Variants in KCND2 observed in about 807,000 individuals in gnomAD.
KCND2 encodes the protein potassium voltage-gated channel subfamily D member 2, also known as A-type voltage-gated potassium channel KCND2.
A neutral mutation model predicts 54.4 loss-of-function variants in KCND2; 16 were observed. The observed-to-expected ratio is 0.29, with a 90% CI of 0.20 to 0.45. The LOEUF (loss-of-function observed/expected upper bound fraction) is 0.45. Among genes scored for constraint, KCND2 ranks in the 20% least tolerant of loss-of-function variants. KCND2 has a pLI of 1.00. For synonymous variants in KCND2, 317 were observed against 310.7 expected (o/e 1.02, Z -0.21); for missense variants, 486 against 824.2 (o/e 0.59, Z 5.02).
rs955881237 is a variant in KCND2 at position 120,538,736 on chromosome 7, T to G, written c.1116-194167T>G. ...TCTACACAGACTAACCTCGGCCCTATAAAGACCAGCCAAACCCCATGGGCA... is the reference window on the plus strand; with the variant it reads ...TCTACACAGACTAACCTCGGCCCTAGAAAGACCAGCCAAACCCCATGGGCA... On this transcript the variant is annotated intron_variant, in intron 1 of 5. Coordinates refer to ENST00000331113, the MANE Select transcript of KCND2 (RefSeq NM_012281.3). Among the ~76,000 whole-genome samples, 4 of 152,048 alleles carry G rather than the reference T, an allele frequency of 2.6e-5. No homozygotes were observed. The East Asian group carries it at 7.7e-4, about 29-fold the overall frequency.
chr7:120,333,721 T>A lies in KCND2; in HGVS notation c.1115+57974T>A, dbSNP rs145247352. ...CTATTATTTTGATCAAAACAGATAT[T>A]TTAGCTAGCCACTTCCATTCATAGC... On this transcript the variant is annotated intron_variant, in intron 1 of 5. Coordinates refer to ENST00000331113, the MANE Select transcript of KCND2 (RefSeq NM_012281.3). Among the ~76,000 whole-genome samples the A allele has an allele frequency of 4.6e-4, 70 of 152,202 alleles. 1 individual carries two copies. The highest frequency in any genetic ancestry group is 1.6e-3 in the African/African-American group (67 of 41,562).
chr7:120,359,862 T>A (rs1360368365), intron 1 of KCND2, among the ~76,000 whole-genome samples: 1 of 152,096 alleles, frequency 6.6e-6, no homozygotes, highest in African/African-American at 2.4e-5. Flanking sequence ...GAGGGTTTTA[T>A]AAGGCAGTTT....
At position 120,473,166 on chromosome 7, in the gene KCND2, G is replaced by A. The variant is rs189494752; in HGVS notation, c.1115+197419G>A. ...AGGGAGAAAACCATGGTTCTGCGGGGCATGTGAGAGACGAGGGTGGAGCTT... is the reference window on the plus strand; with the variant it reads ...AGGGAGAAAACCATGGTTCTGCGGGACATGTGAGAGACGAGGGTGGAGCTT... On this transcript the variant is annotated intron_variant, in intron 1 of 5. Transcript: ENST00000331113. 1.7e-4 allele frequency among the ~76,000 whole-genome samples: 26 copies of A among 152,328 alleles called. No homozygotes were observed. The East Asian group carries it at 1.9e-3, about 11-fold the overall frequency.
At chr7:120,490,718 G>A (rs1462057810) in intron 1 of KCND2, among the ~76,000 whole-genome samples, 2 of 152,086 alleles carry the variant, frequency 1.3e-5, no homozygotes, top group African/African-American at 4.8e-5. Flanking sequence ...CACTCCCTAG[G>A]AGATTGCAAA....
chr7:120,551,637 T>C (rs1424938383), intron 1 of KCND2, among the ~76,000 whole-genome samples: 1 of 152,208 alleles, frequency 6.6e-6, no homozygotes, highest in Non-Finnish European at 1.5e-5. Flanking sequence ...AATACTGTTG[T>C]AAAAGTCAAA....
At chr7:120,723,443 C>A (rs117609420) in intron 1 of KCND2, among the ~76,000 whole-genome samples, 1 of 152,162 alleles carries the variant, frequency 6.6e-6, no homozygotes, top group Non-Finnish European at 1.5e-5. Context: ...GGTTATTGAA[C>A]AACTCAGCTA....
intron 1 of KCND2, among the ~76,000 whole-genome samples, chr7:120,397,214 G>T (rs1801167745): frequency 6.6e-6 from 1 of 152,026 alleles, no homozygotes; most frequent in Admixed American, 6.6e-5. Context: ...ATCAAGTTCA[G>T]TTTGGTGTCT....
intron 1 of KCND2, among the ~76,000 whole-genome samples, chr7:120,390,585 T>C (rs1801058696): frequency 6.6e-6 from 1 of 152,036 alleles, no homozygotes; most frequent in African/African-American, 2.4e-5. Context: ...TCCTATGCTA[T>C]ATACTTCTCC....
intron 1 of KCND2, among the ~76,000 whole-genome samples, chr7:120,446,149 G>A (rs1337179519): frequency 6.6e-6 from 1 of 151,992 alleles, no homozygotes; most frequent in Non-Finnish European, 1.5e-5. Context: ...TTTTATCTGA[G>A]GAGCAGTCTG....
At chr7:120,642,940 A>G (rs1793396237) in intron 1 of KCND2, among the ~76,000 whole-genome samples, 2 of 152,242 alleles carry the variant, frequency 1.3e-5, no homozygotes, top group East Asian at 1.9e-4. Context: ...AATTTCTGCA[A>G]TAAAGATTTC....
intron 1 of KCND2, among the ~76,000 whole-genome samples, chr7:120,636,003 G>A (rs1162407104): frequency 6.6e-6 from 1 of 152,098 alleles, no homozygotes; most frequent in Non-Finnish European, 1.5e-5. Context: ...CTAAAGCTAA[G>A]TGCTGAAACG....
intron 1 of KCND2, among the ~76,000 whole-genome samples, chr7:120,471,899 G>A (rs1331990890): frequency 6.6e-6 from 1 of 151,720 alleles, no homozygotes; most frequent in Non-Finnish European, 1.5e-5. Flanking sequence ...ATTTTTAGAG[G>A]GGTGATGGTA....
chr7:120,346,845 A>G (rs1800325798), intron 1 of KCND2, among the ~76,000 whole-genome samples: 1 of 152,180 alleles, frequency 6.6e-6, no homozygotes, highest in African/African-American at 2.4e-5. Flanking sequence ...CCACTGATTG[A>G]CATGAAAAGA....
At chr7:120,476,637 TG>T (rs75015874) in intron 1 of KCND2, among the ~76,000 whole-genome samples, 10,352 of 152,124 alleles carry the variant, frequency 0.068, 890 homozygotes, top group East Asian at 0.45. Context: ...TGCCTGTGTG[TG>T]GGGGAAGGGA....
At chr7:120,436,068 A>C (rs913890955) in intron 1 of KCND2, among the ~76,000 whole-genome samples, 3 of 152,248 alleles carry the variant, frequency 2.0e-5, no homozygotes, top group African/African-American at 4.8e-5. Context: ...GTTTGAAACT[A>C]AAGATACAAA....
intron 1 of KCND2, among the ~76,000 whole-genome samples, chr7:120,655,739 A>G (rs1164852361): frequency 6.6e-6 from 1 of 152,068 alleles, no homozygotes; most frequent in Non-Finnish European, 1.5e-5. Context: ...ATGAATTAAA[A>G]CTACTGCGCT....
chr7:120,627,633 T>C (rs1450419164), intron 1 of KCND2, among the ~76,000 whole-genome samples: 1 of 152,138 alleles, frequency 6.6e-6, no homozygotes, highest in African/African-American at 2.4e-5. Flanking sequence ...GAGCTAGCCT[T>C]TTCTATTGAA....
chr7:120,400,524 G>A (rs920271777), intron 1 of KCND2, among the ~76,000 whole-genome samples: 7 of 152,028 alleles, frequency 4.6e-5, no homozygotes, highest in African/African-American at 1.7e-4. Context: ...TACTCCCATA[G>A]CCTGTTAAAT....
intron 1 of KCND2, among the ~76,000 whole-genome samples, chr7:120,530,743 G>C (rs967177696): frequency 3.3e-5 from 5 of 151,690 alleles, no homozygotes; most frequent in South Asian, 2.1e-4. Context: ...ACCTCACTTT[G>C]TTTGACCATT....
Sources: gnomAD v4.1 joint callset for allele counts (sites outside exome capture counted in the v4.1 genomes callset) on GRCh38, gnomAD v4.1.1 for gene constraint, MANE v1.5 for transcripts, NCBI Gene and HGNC (gene_info 2026-07-23, HGNC 2026-07-21) for gene names.